MCCC1: variants seen among roughly 807,000 people sequenced by gnomAD.
MCCC1 encodes the protein methylcrotonoyl-CoA carboxylase subunit alpha, mitochondrial.
Under a neutral mutation model 83.8 loss-of-function variants are expected in MCCC1, and 64 were observed. That is an observed-to-expected ratio of 0.76 (90% CI 0.62 to 0.94). The LOEUF (loss-of-function observed/expected upper bound fraction) is 0.94. Among genes scored for constraint, MCCC1 ranks in the 40% least tolerant of loss-of-function variants. The pLI is 0.00. For missense variants in MCCC1, 807 were observed against 904.7 expected (o/e 0.89, Z 1.39); for synonymous variants, 322 against 315.4 (o/e 1.02, Z -0.22).
intron 3 of MCCC1, among the ~76,000 whole-genome samples, chr3:183,090,032 T>C (rs1718201850): frequency 1.3e-5 from 2 of 152,100 alleles, no homozygotes; most frequent in African/African-American, 2.4e-5. Context: ...TAGGAGTATA[T>C]AAAATGATCC....
intron 15 of MCCC1, 158 bp from the exon 16 acceptor site, chr3:183,022,712 CT>C (rs1712258676): frequency 4.6e-6 from 3 of 649,882 alleles, no homozygotes; most frequent in African/African-American, 1.8e-5. Context: ...AACTTTTCCC[CT>C]ATTCCTAACC....
chr3:183,082,411 A>G (rs1189727050), intron 4 of MCCC1, among the ~76,000 whole-genome samples: 1 of 152,260 alleles, frequency 6.6e-6, no homozygotes, highest in Non-Finnish European at 1.5e-5. Context: ...GGACTGAAGT[A>G]TAATACACAT....
At position 183,039,047 on chromosome 3, in the gene MCCC1, C is replaced by A; in HGVS notation, c.1356G>T (p.Arg452Ser). 6 of 1,614,152 alleles carry A rather than the reference C, an allele frequency of 3.7e-6. No individual in the cohort carries two copies. Among genetic ancestry groups the A allele is most frequent in the Non-Finnish European group, 5.1e-6 (6 of 1,180,028 alleles). ...TCACATTGTACTGACGAAGGCTGTACCTCAGTTTTGTCAATGCCGCCTGGC... is the reference window on the plus strand; with the variant it reads ...TCACATTGTACTGACGAAGGCTGTAACTCAGTTTTGTCAATGCCGCCTGGC... ...ADRQAALTKL[R>S]YSLRQYNIVG... The change falls in exon 12 of 19, where the codon AGG becomes AGT. Residue 452 changes from arginine to serine, a missense_variant. Transcript: ENST00000265594.
rs756810030 is a variant in MCCC1, at chr3:183,022,422, A to G, written c.1864T>C (p.Ser622Pro). 5.0e-6 allele frequency: 8 copies of G among 1,613,946 alleles called. No homozygotes were observed. The highest frequency in any genetic ancestry group is 6.8e-6 in the Non-Finnish European group (8 of 1,179,936). ...TTATAAAGAAGAGACATTACCTTGG[A>G]AAATAGGTAAATAGTGTTTTCCAGG... is the stretch of plus-strand genomic sequence containing the variant. ...IILENTIYLF[S>P]KEGSIEIDIP... Residue 622 changes from serine (S) to proline (P), a missense_variant, in exon 16 of 19, where the codon TCC (serine) becomes CCC (proline). Physicochemically the swap from Ser to Pro is moderately conservative, Grantham distance 74. Coordinates refer to ENST00000265594, the MANE Select transcript of MCCC1 (RefSeq NM_020166.5).
intron 4 of MCCC1, among the ~76,000 whole-genome samples, chr3:183,072,788 G>A (rs1160184663): frequency 6.6e-6 from 1 of 152,086 alleles, no homozygotes; most frequent in Admixed American, 6.6e-5. Context: ...CACAATGTTG[G>A]GCAACTGTCA....
At chr3:183,109,677 G>C (rs6800506) in intron 1 of MCCC1, among the ~76,000 whole-genome samples, 106,899 of 151,706 alleles carry the variant, frequency 0.7, 38,478 homozygotes, top group Non-Finnish European at 0.79. Flanking sequence ...TAGGTTGACT[G>C]CATGTCTTTG....
chr3:183,103,207 T>G (rs1470820811), upstream of MCCC1, among the ~76,000 whole-genome samples: 1 of 151,986 alleles, frequency 6.6e-6, no homozygotes, highest in Non-Finnish European at 1.5e-5. Flanking sequence ...AAAGGCAATG[T>G]GGACCCAAAG....
At chr3:183,106,140 A>C (rs1719400358) in intron 1 of MCCC1, among the ~76,000 whole-genome samples, 1 of 151,622 alleles carries the variant, frequency 6.6e-6, no homozygotes, top group South Asian at 2.1e-4. Flanking sequence ...TCACAACCTT[A>C]CACAAAAAAT....
intron 4 of MCCC1, among the ~76,000 whole-genome samples, chr3:183,077,568 A>AT (rs964456970): frequency 5.9e-5 from 9 of 152,068 alleles, no homozygotes; most frequent in African/African-American, 1.7e-4. Context: ...TATTTTGCTC[A>AT]TTTTTTTAAA....
intron 1 of MCCC1, among the ~76,000 whole-genome samples, chr3:183,107,178 A>G (rs1334836051): frequency 2.0e-5 from 3 of 151,866 alleles, no homozygotes; most frequent in Admixed American, 6.6e-5. Context: ...GCTGAGGCGG[A>G]CGGATCATTT....
At chr3:183,114,535 C>G (rs1044563425) in intron 1 of MCCC1, among the ~76,000 whole-genome samples, 2 of 152,038 alleles carry the variant, frequency 1.3e-5, no homozygotes, top group Admixed American at 6.6e-5. Context: ...ATGGCTTGCT[C>G]GGTATTTGAG....
rs145275306 is a variant in MCCC1 at position 183,072,752 on chromosome 3, T to C, written c.370-265A>G. ...TGACCATTTTAGTTACTTGCAAGTA[T>C]GTAATTCAGTGGCATTAAGTACACT... On this transcript the variant is annotated intron_variant, in intron 4 of 18. Coordinates refer to ENST00000265594, the MANE Select transcript of MCCC1 (RefSeq NM_020166.5). Among the ~76,000 whole-genome samples the C allele has an allele frequency of 4.2e-3, 639 of 152,358 alleles. 3 individuals are homozygous for C. The highest frequency in any genetic ancestry group is 0.015 in the African/African-American group (616 of 41,582).
At chr3:183,051,032 G>C (rs1442624869) in intron 9 of MCCC1, among the ~76,000 whole-genome samples, 1 of 152,202 alleles carries the variant, frequency 6.6e-6, no homozygotes, top group East Asian at 1.9e-4. Context: ...AAGCTGGAGA[G>C]GATTTGGAGC....
chr3:183,015,268 G>A lies in MCCC1; in HGVS notation c.*170C>T, dbSNP rs1711530237. ...ACTTTATTAGTATGAAATATTTTGA[G>A]ATAATTAGTGACCCAAATGCATGAT... On this transcript the variant is annotated 3_prime_UTR_variant, in exon 19 of 19. Transcript: ENST00000265594. The A allele has an allele frequency of 1.4e-6, 1 of 721,266 alleles. No individual in the cohort carries two copies. Among genetic ancestry groups the A allele is most frequent in the African/African-American group, 1.8e-5 (1 of 56,880 alleles). The allele number at this position is 721,266 out of a possible 1,614,324, so 44.7% of individuals were successfully genotyped here.
Position 183,099,490 on chromosome 3 carries a change from G to T in MCCC1, c.-50C>A, listed in dbSNP as rs780606952. On this transcript the variant is annotated 5_prime_UTR_variant, in exon 1 of 19. Transcript: ENST00000265594. ...GACTCCCCAGTACAGAGGCAGCTGCGTCCCACACGCCAAACCCGTTCCTCC... is the reference window on the plus strand; with the variant it reads ...GACTCCCCAGTACAGAGGCAGCTGCTTCCCACACGCCAAACCCGTTCCTCC... The T allele has an allele frequency of 6.4e-7, 1 of 1,560,466 alleles. No homozygotes were observed. The highest frequency in any genetic ancestry group is 8.7e-7 in the Non-Finnish European group (1 of 1,152,874).
At chr3:183,045,864 CTCA>C (rs145924631) in intron 9 of MCCC1, among the ~76,000 whole-genome samples, 1 of 152,244 alleles carries the variant, frequency 6.6e-6, no homozygotes, top group Non-Finnish European at 1.5e-5. Context: ...TCCTGGGAGC[CTCA>C]TACCATGACA....
At chr3:183,041,962 G>C (rs796743876) in intron 10 of MCCC1, among the ~76,000 whole-genome samples, 25 of 152,226 alleles carry the variant, frequency 1.6e-4, no homozygotes, top group African/African-American at 5.8e-4. Flanking sequence ...TATCATTTGG[G>C]GTATCGGAGT....
intron 9 of MCCC1, among the ~76,000 whole-genome samples, chr3:183,047,665 A>G (rs1714654510): frequency 6.6e-6 from 1 of 150,446 alleles, no homozygotes. Flanking sequence ...CTAGAATTGA[A>G]AAAAAAAAAA....
At chr3:183,083,507 A>C (rs1401562432) in intron 4 of MCCC1, among the ~76,000 whole-genome samples, 1 of 151,968 alleles carries the variant, frequency 6.6e-6, no homozygotes, top group Non-Finnish European at 1.5e-5. Flanking sequence ...AAAATATTTT[A>C]TTCTTTTAAA....
Sources: gnomAD v4.1 joint callset for allele counts (sites outside exome capture counted in the v4.1 genomes callset) on GRCh38, gnomAD v4.1.1 for gene constraint, MANE v1.5 for transcripts, NCBI Gene and HGNC (gene_info 2026-07-23, HGNC 2026-07-21) for gene names.